EYA1: variants seen among roughly 807,000 people sequenced by gnomAD.
EYA1 encodes the protein protein phosphatase EYA1.
In EYA1, 16 loss-of-function variants were observed where a neutral mutation model predicts 82.0. That is an observed-to-expected ratio of 0.20 (90% confidence interval 0.13 to 0.30). The LOEUF (loss-of-function observed/expected upper bound fraction) is 0.30. Ranked by LOEUF, EYA1 falls within the 10% of genes least tolerant of loss-of-function variation. The pLI is 1.00. For missense variants in EYA1, 633 were observed against 730.7 expected (o/e 0.87, Z 1.54); for synonymous variants, 261 against 264.4 (o/e 0.99, Z 0.12).
At chr8:71,393,729 T>C (rs994185430) in intron 2 of EYA1, among the ~76,000 whole-genome samples, 4 of 152,206 alleles carry the variant, frequency 2.6e-5, no homozygotes, top group Admixed American at 1.3e-4. Flanking sequence ...AAGTCTGCTA[T>C]TGTGAATAGT....
At chr8:71,313,335 T>G (rs1838620) in intron 7 of EYA1, among the ~76,000 whole-genome samples, 101,423 of 151,828 alleles carry the variant, frequency 0.67, 34,156 homozygotes, top group East Asian at 0.87. Context: ...CTCTTTCATG[T>G]CTAAAATATA....
At chr8:71,422,378 A>G (rs190624318) in intron 2 of EYA1, among the ~76,000 whole-genome samples, 2 of 152,304 alleles carry the variant, frequency 1.3e-5, no homozygotes, top group Admixed American at 6.5e-5. Flanking sequence ...GATCTTTGGT[A>G]ACAGGAATGG....
At chr8:71,461,087 T>A (rs61632255) in intron 2 of EYA1, among the ~76,000 whole-genome samples, 23,233 of 152,070 alleles carry the variant, frequency 0.15, 3,155 homozygotes, top group East Asian at 0.48. Context: ...GAGTGTATAA[T>A]CTTGAGGTTT....
At chr8:71,436,766 C>T (rs1806044841) in intron 2 of EYA1, among the ~76,000 whole-genome samples, 1 of 152,062 alleles carries the variant, frequency 6.6e-6, no homozygotes, top group Admixed American at 6.6e-5. Flanking sequence ...TGCACTTCTT[C>T]TCTCTTGATA....
chr8:71,284,851 T>A (rs1016410199), intron 9 of EYA1, among the ~76,000 whole-genome samples: 2 of 152,232 alleles, frequency 1.3e-5, no homozygotes, highest in African/African-American at 4.8e-5. Context: ...ATGCTGAGAA[T>A]TTCACCTTCT....
chr8:71,389,034 T>G (rs1012534388), intron 2 of EYA1, among the ~76,000 whole-genome samples: 9 of 151,498 alleles, frequency 5.9e-5, no homozygotes, highest in Admixed American at 1.3e-4. Context: ...CTGCTTGCTC[T>G]CAGGACTTTA....
chr8:71,453,668 C>T lies in EYA1; in HGVS notation c.33+82076G>A, dbSNP rs1807601008. Reference sequence around the variant, plus strand: ...ACCCAGAATTTCATATCCAGCCAAACTAAGCTTCATAAGTGAAGGAGAAAT... The same window carrying T: ...ACCCAGAATTTCATATCCAGCCAAATTAAGCTTCATAAGTGAAGGAGAAAT... On this transcript the variant is annotated intron_variant, in intron 2 of 18. Transcript: ENST00000643681. Among the ~76,000 whole-genome samples, 7 of 152,098 alleles carry T rather than the reference C, an allele frequency of 4.6e-5. No homozygotes were observed. The South Asian group carries it at 1.5e-3, about 32-fold the overall frequency.
chr8:71,384,262 G>A (rs534151966), intron 2 of EYA1, among the ~76,000 whole-genome samples: 1 of 152,252 alleles, frequency 6.6e-6, no homozygotes, highest in South Asian at 2.1e-4. Flanking sequence ...ACATTTTTAA[G>A]AAGGTTATTT....
At chr8:71,448,463 A>G (rs1807081872) in intron 2 of EYA1, among the ~76,000 whole-genome samples, 1 of 151,258 alleles carries the variant, frequency 6.6e-6, no homozygotes, top group Non-Finnish European at 1.5e-5. Context: ...TATTTCCACT[A>G]CATTCGCAGT....
chr8:71,225,679 T>C (rs138704542), intron 12 of EYA1, among the ~76,000 whole-genome samples: 1,642 of 152,260 alleles, frequency 0.011, 6 homozygotes, highest in Non-Finnish European at 0.018. Flanking sequence ...ATGGTAGGAA[T>C]AGGATGACAC....
chr8:71,515,160 A>G (rs1812880284), intron 2 of EYA1, among the ~76,000 whole-genome samples: 1 of 152,160 alleles, frequency 6.6e-6, no homozygotes, highest in Admixed American at 6.6e-5. Flanking sequence ...TTGAGTAGCT[A>G]CCATATGTCA....
intron 1 of EYA1, among the ~76,000 whole-genome samples, chr8:71,361,064 TTGTTA>T (rs777304891): frequency 1.6e-4 from 24 of 152,352 alleles, no homozygotes; most frequent in Non-Finnish European, 3.2e-4. Flanking sequence ...GGGTAAATGT[TTGTTA>T]TATCACCTTC....
chr8:71,299,856 G>C (rs1287907946), intron 7 of EYA1, 136 bp from the exon 8 acceptor site: 5 of 661,784 alleles, frequency 7.6e-6, no homozygotes, highest in Non-Finnish European at 1.4e-5. Context: ...TGTCTAAAAT[G>C]TAGTTTTCTT....
At position 71,516,980 on chromosome 8, in the gene EYA1, A is replaced by T. The variant is rs113761284; in HGVS notation, c.33+18764T>A. ...ACTGCACAACTTTCAGTGCTTAATC[A>T]ACTTAATTCTACAAAGAAACCTGGA... On this transcript the variant is annotated intron_variant, in intron 2 of 18. Coordinates refer to the EYA1 transcript ENST00000643681. 5.9e-5 allele frequency among the ~76,000 whole-genome samples: 9 copies of T among 152,176 alleles called. 1 individual carries two copies. The highest frequency in any genetic ancestry group is 1.9e-4 in the African/African-American group (8 of 41,550).
chr8:71,240,636 T>G (rs574790480), intron 12 of EYA1, among the ~76,000 whole-genome samples: 1 of 152,314 alleles, frequency 6.6e-6, no homozygotes, highest in South Asian at 2.1e-4. Context: ...TCTGTCAACA[T>G]GGGTTAGGAT....
At position 71,269,839 on chromosome 8, in the gene EYA1, C is replaced by G. The variant is rs886161339; in HGVS notation, c.967-16G>C. 3.7e-6 allele frequency: 6 copies of G among 1,600,358 alleles called. No homozygotes were observed. The highest frequency in any genetic ancestry group is 5.1e-6 in the Non-Finnish European group (6 of 1,167,728). ...TGAACACTCTCTACAAAGGAAGAACCAAATCAATGTGTCTTTGCCTTGGCT... is the reference window on the plus strand; with the variant it reads ...TGAACACTCTCTACAAAGGAAGAACGAAATCAATGTGTCTTTGCCTTGGCT... On this transcript the variant is annotated splice_polypyrimidine_tract_variant and intron_variant, in intron 10 of 17. Transcript: ENST00000340726.
intron 9 of EYA1, among the ~76,000 whole-genome samples, chr8:71,273,344 G>T (rs1007926982): frequency 2.6e-5 from 4 of 152,158 alleles, no homozygotes; most frequent in African/African-American, 9.7e-5. Flanking sequence ...GTTTATTTGG[G>T]ATGCATTTTT....
intron 4 of EYA1, among the ~76,000 whole-genome samples, chr8:71,331,146 T>C (rs1823796729): frequency 6.6e-6 from 1 of 151,392 alleles, no homozygotes; most frequent in Admixed American, 6.6e-5. Context: ...GGAGAATCAC[T>C]TGAACCCAGG....
At chr8:71,440,131 A>G (rs542567856) in intron 2 of EYA1, among the ~76,000 whole-genome samples, 40 of 152,334 alleles carry the variant, frequency 2.6e-4, no homozygotes, top group Admixed American at 2.6e-4. Context: ...AAAATAGCCT[A>G]TGAAAATAAT....
Sources: allele counts gnomAD v4.1 joint callset (sites outside exome capture counted in the v4.1 genomes callset), GRCh38; gene constraint gnomAD v4.1.1; transcripts MANE v1.5; gene names NCBI Gene and HGNC (gene_info 2026-07-23, HGNC 2026-07-21).